The following FHIT variants were observed in gnomAD, a reference collection of about 807,000 sequenced individuals.
The protein encoded by FHIT is bis(5'-adenosyl)-triphosphatase.
A neutral mutation model predicts 17.9 loss-of-function variants in FHIT; 19 were observed. The observed-to-expected ratio is 1.06, with a 90% CI of 0.74 to 1.56. FHIT has a LOEUF of 1.56. FHIT is among the 40% of genes most tolerant of loss of function. The pLI, the probability that FHIT is intolerant of heterozygous loss-of-function variation, is 0.00. For synonymous variants in FHIT, 81 were observed against 69.7 expected (o/e 1.16, Z -0.81); for missense variants, 248 against 189.2 (o/e 1.31, Z -1.82).
At chr3:60,258,257 A>T (rs1706116435) in intron 5 of FHIT, among the ~76,000 whole-genome samples, 1 of 152,126 alleles carries the variant, frequency 6.6e-6, no homozygotes, top group Admixed American at 6.6e-5. Flanking sequence ...GACAACGTTC[A>T]ACTTTACCTG....
At chr3:60,958,826 G>A (rs568154325) in intron 3 of FHIT, among the ~76,000 whole-genome samples, 2 of 152,310 alleles carry the variant, frequency 1.3e-5, no homozygotes, top group South Asian at 2.1e-4. Flanking sequence ...TTCCAGCTAG[G>A]TGGAAGTATT....
chr3:61,204,490 A>T (rs562513335), intron 1 of FHIT, among the ~76,000 whole-genome samples: 4 of 152,346 alleles, frequency 2.6e-5, no homozygotes, highest in African/African-American at 9.6e-5. Context: ...AGTAAACGCA[A>T]TCGATTCTCT....
At chr3:60,618,413 T>C (rs1371832472) in intron 4 of FHIT, among the ~76,000 whole-genome samples, 8 of 152,134 alleles carry the variant, frequency 5.3e-5, no homozygotes, top group African/African-American at 1.7e-4. Flanking sequence ...CATTAGTTAC[T>C]CTTCCTTATG....
chr3:61,007,502 T>C (rs913949815), intron 3 of FHIT, among the ~76,000 whole-genome samples: 1 of 152,192 alleles, frequency 6.6e-6, no homozygotes, highest in African/African-American at 2.4e-5. Flanking sequence ...TCATCTTCCA[T>C]AAACCTAAAA....
At chr3:60,192,937 C>T (rs979985959) in intron 5 of FHIT, among the ~76,000 whole-genome samples, 1 of 152,152 alleles carries the variant, frequency 6.6e-6, no homozygotes, top group Non-Finnish European at 1.5e-5. Context: ...CTGCCACTTC[C>T]ACTGCCAGTG....
chr3:60,368,496 C>T (rs1262584039), intron 5 of FHIT, among the ~76,000 whole-genome samples: 1 of 151,692 alleles, frequency 6.6e-6, no homozygotes, highest in African/African-American at 2.4e-5. Context: ...TTTATGTTGC[C>T]TTAAATTGGG....
At chr3:61,135,693 C>T (rs1315205416) in intron 2 of FHIT, among the ~76,000 whole-genome samples, 1 of 152,110 alleles carries the variant, frequency 6.6e-6, no homozygotes, top group Non-Finnish European at 1.5e-5. Context: ...CTGTCTATTT[C>T]TTCATTACAT....
intron 5 of FHIT, among the ~76,000 whole-genome samples, chr3:60,234,178 G>C (rs1704646496): frequency 6.6e-6 from 1 of 152,008 alleles, no homozygotes; most frequent in African/African-American, 2.4e-5. Flanking sequence ...CTTTAAATCA[G>C]ACCAGACAAT....
chr3:60,254,910 A>G (rs169913), intron 5 of FHIT, among the ~76,000 whole-genome samples: 76,553 of 152,066 alleles, frequency 0.5, 19,897 homozygotes, highest in African/African-American at 0.57. Context: ...TAAGCACATC[A>G]CAAGGATGGT....
chr3:60,919,233 G>T (rs1347969479), intron 3 of FHIT, among the ~76,000 whole-genome samples: 1 of 152,144 alleles, frequency 6.6e-6, no homozygotes, highest in Non-Finnish European at 1.5e-5. Flanking sequence ...GAAAACACAC[G>T]CGTTATATTT....
intron 4 of FHIT, among the ~76,000 whole-genome samples, chr3:60,688,908 C>T (rs1220247404): frequency 2.0e-5 from 3 of 152,074 alleles, no homozygotes; most frequent in Non-Finnish European, 4.4e-5. Flanking sequence ...GGTTCCACAT[C>T]TGTGGATTCA....
chr3:60,954,785 G>T (rs189910158), intron 3 of FHIT, among the ~76,000 whole-genome samples: 3 of 152,154 alleles, frequency 2.0e-5, no homozygotes, highest in African/African-American at 7.2e-5. Context: ...ATTAGGGAAG[G>T]CAAATATGAA....
At chr3:60,876,622 T>A (rs1704669152) in intron 3 of FHIT, among the ~76,000 whole-genome samples, 1 of 152,192 alleles carries the variant, frequency 6.6e-6, no homozygotes, top group South Asian at 2.1e-4. Flanking sequence ...AAAAGTGTAT[T>A]TAAGTAGACA....
chr3:61,217,979 C>T (rs1439648494), intron 1 of FHIT, among the ~76,000 whole-genome samples: 1 of 152,114 alleles, frequency 6.6e-6, no homozygotes, highest in African/African-American at 2.4e-5. Context: ...CATCTGGAGT[C>T]AAAAGAGATC....
chr3:61,059,088 T>C (rs145588586), intron 2 of FHIT, among the ~76,000 whole-genome samples: 1,859 of 152,316 alleles, frequency 0.012, 22 homozygotes, highest in Non-Finnish European at 0.019. Flanking sequence ...ATGAGGATGT[T>C]TCACTCCCAA....
At chr3:61,011,089 C>T (rs2031764630) in intron 3 of FHIT, among the ~76,000 whole-genome samples, 1 of 152,108 alleles carries the variant, frequency 6.6e-6, no homozygotes, top group Non-Finnish European at 1.5e-5. Context: ...TAATGGGCTA[C>T]TGAAAAACCA....
chr3:61,154,713 A>G (rs1004630094), intron 2 of FHIT, among the ~76,000 whole-genome samples: 1 of 152,212 alleles, frequency 6.6e-6, no homozygotes, highest in Admixed American at 6.5e-5. Context: ...AAAAATCAAA[A>G]TAATTACATT....
At chr3:60,919,576 T>C (rs2107307857) in intron 3 of FHIT, among the ~76,000 whole-genome samples, 1 of 152,240 alleles carries the variant, frequency 6.6e-6, no homozygotes, top group South Asian at 2.1e-4. Flanking sequence ...CTTATAGAGT[T>C]CACAGAGAAC....
intron 4 of FHIT, among the ~76,000 whole-genome samples, chr3:60,545,464 CAG>C (rs1290360761): frequency 6.6e-6 from 1 of 152,074 alleles, no homozygotes; most frequent in Non-Finnish European, 1.5e-5. Flanking sequence ...TATAGGATTC[CAG>C]ACTTAGTGTT....
Sources: allele counts gnomAD v4.1 joint callset (sites outside exome capture counted in the v4.1 genomes callset), GRCh38; gene constraint gnomAD v4.1.1; transcripts MANE v1.5; gene names NCBI Gene and HGNC (gene_info 2026-07-23, HGNC 2026-07-21).